The following FSTL4 variants were observed in gnomAD, a reference collection of about 807,000 sequenced individuals.
FSTL4 encodes follistatin like 4, also known as follistatin-related protein 4.
In FSTL4, 28 loss-of-function variants were observed where a neutral mutation model predicts 78.2. The ratio of observed to expected loss-of-function variants is 0.36; its 90% CI spans 0.27 to 0.49. FSTL4 has a LOEUF of 0.49. Ranked by LOEUF, FSTL4 falls within the 20% of genes least tolerant of loss-of-function variation. FSTL4 has a pLI of 0.98. For missense variants in FSTL4, 922 were observed against 1,084.9 expected (o/e 0.85, Z 2.11); for synonymous variants, 422 against 440.5 (o/e 0.96, Z 0.53).
At chr5:133,690,765 G>A in the FSTL4 span, among the ~76,000 whole-genome samples, 1 of 152,326 alleles carries the variant, frequency 6.6e-6, no homozygotes, top group East Asian at 1.9e-4. Flanking sequence ...TATAGAGACA[G>A]TGACTTGCAC....
At chr5:133,736,556 A>G in the FSTL4 span, among the ~76,000 whole-genome samples, 2 of 152,272 alleles carry the variant, frequency 1.3e-5, no homozygotes, top group South Asian at 4.1e-4. Context: ...GTGACTTGTG[A>G]CCCTTTTTGC....
the FSTL4 span, among the ~76,000 whole-genome samples, chr5:133,726,257 C>T: frequency 1.3e-5 from 2 of 152,202 alleles, no homozygotes; most frequent in African/African-American, 4.8e-5. Context: ...AGCCATGCCA[C>T]CTATCAAGAC....
chr5:133,404,893 C>T (rs913638474), intron 3 of FSTL4, among the ~76,000 whole-genome samples: 3 of 152,192 alleles, frequency 2.0e-5, no homozygotes, highest in Non-Finnish European at 4.4e-5. Context: ...CCTCTGTAAC[C>T]GCTTCCTGGG....
the FSTL4 span, among the ~76,000 whole-genome samples, chr5:133,654,579 A>G: frequency 6.6e-6 from 1 of 152,132 alleles, no homozygotes; most frequent in Non-Finnish European, 1.5e-5. Flanking sequence ...TCAGCTTGCT[A>G]CTGTCTTTGA....
the FSTL4 span, among the ~76,000 whole-genome samples, chr5:133,658,363 T>G: frequency 2.6e-5 from 4 of 152,152 alleles, no homozygotes; most frequent in Admixed American, 2.0e-4. Context: ...ATCTATTCCT[T>G]GAATGTGTTG....
At chr5:133,491,401 C>CTTTTTTTTT (rs754185647) in intron 3 of FSTL4, among the ~76,000 whole-genome samples, 1 of 137,910 alleles carries the variant, frequency 7.3e-6, no homozygotes. Flanking sequence ...ACAATTTTTT[C>CTTTTTTTTT]TTTTTTTTTT....
upstream of FSTL4, chr5:133,612,544 C>T (rs1029173320): frequency 1.3e-5 from 2 of 152,336 alleles, no homozygotes; most frequent in African/African-American, 4.8e-5. The surrounding 1 kb of genome is among the most constrained non-coding windows in gnomAD (Gnocchi z 6.2). Flanking sequence ...CTATTTCTGC[C>T]GCCGGGACCG....
chr5:133,556,224 A>G (rs1396827500), intron 3 of FSTL4, among the ~76,000 whole-genome samples: 1 of 152,200 alleles, frequency 6.6e-6, no homozygotes, highest in African/African-American at 2.4e-5. Flanking sequence ...TCTTTGATCA[A>G]TTTCCTACAG....
chr5:133,533,596 A>T (rs1238416931), intron 3 of FSTL4, among the ~76,000 whole-genome samples: 1 of 152,166 alleles, frequency 6.6e-6, no homozygotes, highest in Non-Finnish European at 1.5e-5. Context: ...TTACAGCAGC[A>T]ATAGGAAAAC....
At position 133,268,018 on chromosome 5, in the gene FSTL4, TA is replaced by T. The variant is rs375986166; in HGVS notation, c.728-18443del. 3.6e-3 allele frequency among the ~76,000 whole-genome samples: 550 copies of T among 152,234 alleles called. 5 individuals are homozygous for T. Among genetic ancestry groups the T allele is most frequent in the African/African-American group, 0.013 (525 of 41,544 alleles). On this transcript the variant is annotated intron_variant, in intron 6 of 15. Coordinates refer to ENST00000265342, the MANE Select transcript of FSTL4 (RefSeq NM_015082.2). ...TAGCCATTTAACTGAAATTTTACCT[TA>T]AAAAAATGCCAAAACTAATGGGCTC...
At chr5:133,345,059 C>T (rs1239552516) in intron 4 of FSTL4, among the ~76,000 whole-genome samples, 1 of 151,676 alleles carries the variant, frequency 6.6e-6, no homozygotes, top group Non-Finnish European at 1.5e-5. Flanking sequence ...AGCTCCGCCT[C>T]CCGGGTTCAC....
At chr5:133,210,071 A>G in intron 14 of FSTL4, 120 bp downstream of exon 14, 1 of 619,998 alleles carries the variant, frequency 1.6e-6, no homozygotes, top group Non-Finnish European at 3.0e-6. Flanking sequence ...TTGAGCCTTT[A>G]TGGATATATT....
intron 3 of FSTL4, among the ~76,000 whole-genome samples, chr5:133,529,555 A>G (rs1454432427): frequency 6.6e-6 from 1 of 152,218 alleles, no homozygotes; most frequent in East Asian, 1.9e-4. Context: ...ATTTTAATTT[A>G]TTGAATTCTC....
chr5:133,371,805 T>A (rs776996376), intron 4 of FSTL4, among the ~76,000 whole-genome samples: 34 of 152,208 alleles, frequency 2.2e-4, no homozygotes, highest in Admixed American at 3.3e-4. Flanking sequence ...CACTGTCTGT[T>A]AGAGCTGGAA....
chr5:133,546,587 G>A (rs1176265581), intron 3 of FSTL4, among the ~76,000 whole-genome samples: 2 of 150,804 alleles, frequency 1.3e-5, no homozygotes, highest in Admixed American at 1.3e-4. Context: ...GCAATCTTTT[G>A]TTAAGGAGAT....
intron 6 of FSTL4, among the ~76,000 whole-genome samples, chr5:133,262,860 G>A (rs1349345683): frequency 2.6e-5 from 4 of 151,960 alleles, no homozygotes; most frequent in Admixed American, 6.6e-5. Flanking sequence ...GGTGTGGGGG[G>A]AGGTGGGCAA....
At chr5:133,669,888 C>T in the FSTL4 span, among the ~76,000 whole-genome samples, 1 of 152,194 alleles carries the variant, frequency 6.6e-6, no homozygotes, top group Non-Finnish European at 1.5e-5. Flanking sequence ...TCTCTGCTCT[C>T]TAGCATAAGA....
chr5:133,557,453 C>A (rs1030897975), intron 3 of FSTL4, among the ~76,000 whole-genome samples: 1 of 152,188 alleles, frequency 6.6e-6, no homozygotes, highest in South Asian at 2.1e-4. Flanking sequence ...GACCCAATTG[C>A]CATTTGGGGA....
chr5:133,383,374 T>G (rs886750260), intron 4 of FSTL4, among the ~76,000 whole-genome samples: 1 of 152,062 alleles, frequency 6.6e-6, no homozygotes, highest in African/African-American at 2.4e-5. Flanking sequence ...GGCTAGAAAC[T>G]CCCAACCAGA....
Sources: gnomAD v4.1 joint callset for allele counts (sites outside exome capture counted in the v4.1 genomes callset) on GRCh38, gnomAD v4.1.1 for gene constraint, Gnocchi (gnomAD v3.1) non-coding constraint, MANE v1.5 for transcripts, NCBI Gene and HGNC (gene_info 2026-07-23, HGNC 2026-07-21) for gene names.